Variants in SAXO1 observed in about 807,000 individuals in gnomAD.
SAXO1 encodes the protein stabilizer of axonemal microtubules 1.
Under a neutral mutation model 17.5 loss-of-function variants are expected in SAXO1, and 21 were observed. That is an observed-to-expected ratio of 1.20 (90% confidence interval 0.85 to 1.72). SAXO1 has a LOEUF of 1.72. SAXO1 is among the 40% of genes most tolerant of loss of function. SAXO1 has a pLI of 0.00. For synonymous variants in SAXO1, 274 were observed against 216.5 expected (o/e 1.27, Z -2.33); for missense variants, 843 against 596.0 (o/e 1.41, Z -4.32).
chr9:19,035,663 A>T (rs1835917107), upstream of SAXO1, among the ~76,000 whole-genome samples: 1 of 152,214 alleles, frequency 6.6e-6, no homozygotes, highest in African/African-American at 2.4e-5. Flanking sequence ...TTTGCCCAAA[A>T]TGCTGATAGC....
At chr9:19,037,401 A>C (rs1233169120), upstream of SAXO1, among the ~76,000 whole-genome samples, 1 of 151,934 alleles carries the variant, frequency 6.6e-6, no homozygotes, top group Non-Finnish European at 1.5e-5. Context: ...CTCATCTTAA[A>C]TTGTACTCCC....
chr9:18,976,619 T>G (rs944850602), intron 1 of SAXO1, among the ~76,000 whole-genome samples: 24 of 151,668 alleles, frequency 1.6e-4, no homozygotes, highest in African/African-American at 5.8e-4. Context: ...TGATTGTAAC[T>G]ATGGGAAAGA....
chr9:18,998,987 G>A (rs924854578), intron 1 of SAXO1, among the ~76,000 whole-genome samples: 2 of 152,216 alleles, frequency 1.3e-5, no homozygotes, highest in Non-Finnish European at 2.9e-5. Flanking sequence ...ACCAGTACCA[G>A]CCACTGCAAA....
At chr9:19,014,512 A>T (rs917159019) in intron 1 of SAXO1, among the ~76,000 whole-genome samples, 1 of 151,862 alleles carries the variant, frequency 6.6e-6, no homozygotes, top group Non-Finnish European at 1.5e-5. Context: ...TTAAAAAAAA[A>T]TTGGCAAAAT....
At chr9:19,028,095 C>T in intron 1 of SAXO1, 1 of 1,611,888 alleles carries the variant, frequency 6.2e-7, no homozygotes, top group Non-Finnish European at 8.5e-7. Context: ...TCCTGGAGGT[C>T]CAGGCCAAGA....
At chr9:18,963,054 G>C (rs1240863420) in intron 1 of SAXO1, among the ~76,000 whole-genome samples, 1 of 152,108 alleles carries the variant, frequency 6.6e-6, no homozygotes, top group African/African-American at 2.4e-5. Flanking sequence ...ATTAAATAGG[G>C]AATCCTTCCT....
At chr9:19,000,974 C>T (rs1834242018) in intron 1 of SAXO1, among the ~76,000 whole-genome samples, 1 of 152,130 alleles carries the variant, frequency 6.6e-6, no homozygotes, top group Non-Finnish European at 1.5e-5. Context: ...CTTAGACTCC[C>T]ACACAATAAT....
At chr9:18,954,663 AG>A (rs554419243) in intron 1 of SAXO1, among the ~76,000 whole-genome samples, 2 of 150,720 alleles carry the variant, frequency 1.3e-5, no homozygotes, top group Non-Finnish European at 3.0e-5. Context: ...TTAAATTGAA[AG>A]GGGGCATGGG....
chr9:18,942,663 A>C (rs1410184805), intron 2 of SAXO1, among the ~76,000 whole-genome samples: 1 of 152,140 alleles, frequency 6.6e-6, no homozygotes, highest in Non-Finnish European at 1.5e-5. Flanking sequence ...GGATCGAAAA[A>C]GTATAATGGT....
chr9:18,991,191 G>C (rs1833796424), intron 1 of SAXO1, among the ~76,000 whole-genome samples: 2 of 152,314 alleles, frequency 1.3e-5, no homozygotes, highest in South Asian at 4.1e-4. Flanking sequence ...CTGGGAGGCA[G>C]AGGTCATAGT....
intron 1 of SAXO1, among the ~76,000 whole-genome samples, chr9:19,015,972 C>T (rs534126901): frequency 3.3e-5 from 5 of 152,232 alleles, no homozygotes; most frequent in African/African-American, 1.2e-4. Context: ...AATTGGCATC[C>T]TTCAAACAGC....
chr9:19,045,749 C>T (rs184337348), intron 1 of SAXO1, among the ~76,000 whole-genome samples: 2 of 152,196 alleles, frequency 1.3e-5, no homozygotes, highest in African/African-American at 4.8e-5. Context: ...ATGCTACCCA[C>T]GGGTTTTTAA....
At chr9:18,971,280 C>A (rs957271380) in intron 1 of SAXO1, among the ~76,000 whole-genome samples, 1 of 152,054 alleles carries the variant, frequency 6.6e-6, no homozygotes, top group Non-Finnish European at 1.5e-5. Context: ...ACTGAATATT[C>A]CCCATGCCCC....
At chr9:18,951,253 C>G (rs1787073586) in intron 1 of SAXO1, among the ~76,000 whole-genome samples, 1 of 152,138 alleles carries the variant, frequency 6.6e-6, no homozygotes, top group African/African-American at 2.4e-5. Flanking sequence ...TGTCCCCAAG[C>G]TCTCCGAGTG....
rs79338243 is a variant in SAXO1 at position 18,948,499 on chromosome 9, G to A, written c.218+2259C>T. 2.9e-3 allele frequency among the ~76,000 whole-genome samples: 434 copies of A among 152,272 alleles called. 1 individual carries two copies. The highest frequency in any genetic ancestry group is 0.01 in the African/African-American group (416 of 41,548). On this transcript the variant is annotated intron_variant, in intron 2 of 3. Transcript: ENST00000380534. ...TACTTTAGCCACATTTGATGTACAT[G>A]GTATTTATTGTTACTCTGACTCCGG...
At chr9:19,047,162 A>G (rs1691839767) in intron 1 of SAXO1, among the ~76,000 whole-genome samples, 1 of 152,146 alleles carries the variant, frequency 6.6e-6, no homozygotes, top group African/African-American at 2.4e-5. Flanking sequence ...ACTCCGGCCT[A>G]GGCTGCTGAG....
intron 1 of SAXO1, among the ~76,000 whole-genome samples, chr9:19,017,236 G>A (rs779813060): frequency 6.6e-6 from 1 of 152,100 alleles, no homozygotes; most frequent in African/African-American, 2.4e-5. Context: ...TGACACTGGA[G>A]AATACAAGGG....
intron 2 of SAXO1, among the ~76,000 whole-genome samples, chr9:18,949,014 T>C (rs1400961121): frequency 6.6e-6 from 1 of 152,158 alleles, no homozygotes; most frequent in Admixed American, 6.5e-5. Flanking sequence ...TTGACCAGGG[T>C]TTCCTAAAAC....
At chr9:19,027,754 G>C (rs1835560687) in intron 1 of SAXO1, 9 of 1,493,946 alleles carry the variant, frequency 6.0e-6, no homozygotes, top group Admixed American at 5.8e-5. Context: ...GAGAGGTGCA[G>C]AGGACGATGC....
Sources: allele counts gnomAD v4.1 joint callset (sites outside exome capture counted in the v4.1 genomes callset), GRCh38; gene constraint gnomAD v4.1.1; transcripts MANE v1.5; gene names NCBI Gene and HGNC (gene_info 2026-07-23, HGNC 2026-07-21).